ASIC2: variants seen among roughly 807,000 people sequenced by gnomAD.
ASIC2 encodes the protein acid-sensing ion channel 2.
A neutral mutation model predicts 57.3 loss-of-function variants in ASIC2; 25 were observed. The ratio of observed to expected loss-of-function variants is 0.44; its 90% CI spans 0.32 to 0.61. ASIC2 has a LOEUF of 0.61. ASIC2 is among the 20% of genes least tolerant of loss of function. The pLI is 0.06. For missense variants in ASIC2, 641 were observed against 738.1 expected (o/e 0.87, Z 1.52); for synonymous variants, 319 against 307.5 (o/e 1.04, Z -0.39).
intron 1 of ASIC2, among the ~76,000 whole-genome samples, chr17:33,347,718 C>T (rs971702760): frequency 6.6e-6 from 1 of 152,132 alleles, no homozygotes; most frequent in Admixed American, 6.5e-5. Context: ...AGAGCAGATA[C>T]TTAAGTCAAC....
chr17:33,538,265 G>A (rs956439699), intron 1 of ASIC2, among the ~76,000 whole-genome samples: 3 of 152,178 alleles, frequency 2.0e-5, no homozygotes, highest in Non-Finnish European at 4.4e-5. Flanking sequence ...AATGGTGAAT[G>A]ATTAGGTCTC....
intron 1 of ASIC2, among the ~76,000 whole-genome samples, chr17:33,892,238 CAGA>C (rs1914980427): frequency 6.6e-6 from 1 of 151,996 alleles, no homozygotes; most frequent in African/African-American, 2.4e-5. Flanking sequence ...GTAAAGGAAA[CAGA>C]AAATATGATA....
chr17:33,095,908 C>T (rs1422782786), intron 2 of ASIC2, among the ~76,000 whole-genome samples: 1 of 152,186 alleles, frequency 6.6e-6, no homozygotes, highest in Non-Finnish European at 1.5e-5. Context: ...ACAAATGGGC[C>T]TGGAGTGTCC....
At chr17:33,176,004 C>A (rs533560825) in intron 1 of ASIC2, among the ~76,000 whole-genome samples, 66 of 152,332 alleles carry the variant, frequency 4.3e-4, no homozygotes, top group African/African-American at 1.5e-3. Context: ...ACCCAGCAAG[C>A]AATGATCCCC....
At chr17:33,459,055 T>C (rs1912546399) in intron 1 of ASIC2, among the ~76,000 whole-genome samples, 1 of 151,854 alleles carries the variant, frequency 6.6e-6, no homozygotes, top group Non-Finnish European at 1.5e-5. Context: ...AACTGTCAAT[T>C]CTGGTGACCG....
chr17:34,047,486 A>G (rs1313623904), intron 1 of ASIC2, among the ~76,000 whole-genome samples: 2 of 138,954 alleles, frequency 1.4e-5, no homozygotes, highest in Admixed American at 7.6e-5. Context: ...GCTATTCTTA[A>G]CATGATGTAC....
At chr17:33,369,561 A>G (rs1908962065) in intron 1 of ASIC2, among the ~76,000 whole-genome samples, 1 of 152,246 alleles carries the variant, frequency 6.6e-6, no homozygotes, top group Admixed American at 6.5e-5. Flanking sequence ...TTGAAAGCAT[A>G]GCACATGCCA....
chr17:33,908,062 A>G (rs891546067), intron 1 of ASIC2, among the ~76,000 whole-genome samples: 1 of 152,112 alleles, frequency 6.6e-6, no homozygotes, highest in Non-Finnish European at 1.5e-5. Flanking sequence ...GTACGGAGAA[A>G]TTTCCCATTA....
intron 1 of ASIC2, among the ~76,000 whole-genome samples, chr17:33,355,715 C>G (rs1474315427): frequency 1.3e-5 from 2 of 152,146 alleles, no homozygotes; most frequent in East Asian, 3.8e-4. Context: ...CTAATCATAG[C>G]CTGAGCCCTG....
At chr17:34,030,488 G>A (rs1244263456) in intron 1 of ASIC2, among the ~76,000 whole-genome samples, 1 of 152,202 alleles carries the variant, frequency 6.6e-6, no homozygotes, top group Non-Finnish European at 1.5e-5. Flanking sequence ...CATCTCACTG[G>A]GGAGTGCCAG....
chr17:33,494,100 A>G (rs1430414864), intron 1 of ASIC2, among the ~76,000 whole-genome samples: 7 of 152,190 alleles, frequency 4.6e-5, no homozygotes, highest in African/African-American at 7.2e-5. Context: ...CTGGGCCAGG[A>G]CCTGCCCTTC....
At chr17:33,326,083 G>A (rs972951340) in intron 1 of ASIC2, among the ~76,000 whole-genome samples, 12 of 152,168 alleles carry the variant, frequency 7.9e-5, no homozygotes, top group African/African-American at 1.2e-4. Context: ...CAGAGCAAGT[G>A]GTCTAAATCT....
At chr17:33,288,761 A>ACAC (rs1567811511) in intron 1 of ASIC2, among the ~76,000 whole-genome samples, 1 of 127,094 alleles carries the variant, frequency 7.9e-6, no homozygotes, top group African/African-American at 2.9e-5. Context: ...CACACACACA[A>ACAC]CTAATATGGT....
intron 1 of ASIC2, among the ~76,000 whole-genome samples, chr17:33,436,817 A>G (rs964668852): frequency 2.0e-5 from 3 of 149,428 alleles, no homozygotes; most frequent in African/African-American, 7.4e-5. Context: ...AGCAACCTAT[A>G]AGGAACATGC....
At chr17:33,119,663 A>T (rs2092293866) in intron 1 of ASIC2, among the ~76,000 whole-genome samples, 1 of 152,248 alleles carries the variant, frequency 6.6e-6, no homozygotes, top group African/African-American at 2.4e-5. Flanking sequence ...TGAAACAGGA[A>T]TTTTTTGACC....
chr17:33,347,885 T>C (rs1398413548), intron 1 of ASIC2, among the ~76,000 whole-genome samples: 2 of 152,250 alleles, frequency 1.3e-5, no homozygotes, highest in East Asian at 3.9e-4. Context: ...GTGGATCACT[T>C]GAGGCCGGGA....
At chr17:33,503,656 T>G (rs1001295738) in intron 1 of ASIC2, among the ~76,000 whole-genome samples, 1 of 152,138 alleles carries the variant, frequency 6.6e-6, no homozygotes, top group African/African-American at 2.4e-5. Flanking sequence ...CTCTTGGAGC[T>G]CAGTGAGTGG....
In ASIC2 at chr17:33,240,563, C is replaced by T. The variant is rs78220026; in HGVS notation, c.708+50845G>A. Among the ~76,000 whole-genome samples the T allele has an allele frequency of 0.01, 1,573 of 152,294 alleles. 51 individuals are homozygous for T. In the East Asian group the frequency reaches 0.12, roughly 12 times the overall value. On this transcript the variant is annotated intron_variant, in intron 1 of 9. Transcript: ENST00000225823. ...CCTGCCAGGCACTGTGCAGCTCAGA[C>T]GTGGAGTTCTTTGTCTGGATGAGAG...
At chr17:33,821,100 G>T (rs898547275) in intron 1 of ASIC2, among the ~76,000 whole-genome samples, 1 of 152,168 alleles carries the variant, frequency 6.6e-6, no homozygotes, top group African/African-American at 2.4e-5. Context: ...TGTATTTTCC[G>T]TGAGGACCTT....
Sources: allele counts gnomAD v4.1 joint callset (sites outside exome capture counted in the v4.1 genomes callset), GRCh38; gene constraint gnomAD v4.1.1; transcripts MANE v1.5; gene names NCBI Gene and HGNC (gene_info 2026-07-23, HGNC 2026-07-21).